The following SOCS6 variants were observed in gnomAD, a reference collection of about 807,000 sequenced individuals.
SOCS6 encodes the protein suppressor of cytokine signaling 6.
Under a neutral mutation model 27.7 loss-of-function variants are expected in SOCS6, and 5 were observed. The ratio of observed to expected loss-of-function variants is 0.18; its 90% CI spans 0.09 to 0.38. The LOEUF is 0.38. Ranked by LOEUF, SOCS6 falls within the 10% of genes least tolerant of loss-of-function variation. SOCS6 has a pLI of 1.00. For missense variants in SOCS6, 595 were observed against 688.1 expected, an observed-to-expected ratio of 0.86 and a Z score of 1.51; for synonymous variants, 271 against 260.0, an observed-to-expected ratio of 1.04 and a Z score of -0.41.
chr18:70,321,701 T>C (rs1372550431), intron 1 of SOCS6, among the ~76,000 whole-genome samples: 1 of 152,004 alleles, frequency 6.6e-6, no homozygotes, highest in Admixed American at 6.6e-5. Context: ...CTTCCTGTCT[T>C]CCAATAATTT....
At chr18:70,295,028 A>T (rs1042971970) in intron 1 of SOCS6, among the ~76,000 whole-genome samples, 2 of 152,234 alleles carry the variant, frequency 1.3e-5, no homozygotes, top group African/African-American at 2.4e-5. Flanking sequence ...CCTGGAAGGC[A>T]GGCAGTAATC....
Position 70,325,989 on chromosome 18 carries a change from A to G in SOCS6, c.1321A>G (p.Ser441Gly). 1.2e-6 allele frequency: 2 copies of G among 1,614,274 alleles called. No homozygotes were observed. Among genetic ancestry groups the G allele is most frequent in the East Asian group, 2.2e-5 (1 of 44,892 alleles). The change falls in exon 2 of 2, where the codon AGC becomes GGC. Residue 441 changes from serine (S) to glycine (G), a missense_variant. Around this residue, in one of 2 missense-constraint regions of SOCS6, gnomAD observed 128 missense variants for 207.0 expected, o/e 0.62. Transcript: ENST00000397942. This position sits in a 1 kb window ranked among gnomAD's most constrained non-coding sequence, Gnocchi z 6.3. ...AATTGAGCACTCAAATGGTAGGTTT[A>G]GCTTTTATGAACAGCCAGATGTGGA... ...TRIEHSNGRF[S>G]FYEQPDVEGH...
intron 1 of SOCS6, among the ~76,000 whole-genome samples, chr18:70,312,922 G>T (rs1221984568): frequency 1.3e-5 from 2 of 151,830 alleles, no homozygotes; most frequent in Non-Finnish European, 2.9e-5. Flanking sequence ...TTACAGGCAA[G>T]TGCCACGCGC....
chr18:70,293,084 A>C (rs1466327133), intron 1 of SOCS6, among the ~76,000 whole-genome samples: 1 of 151,524 alleles, frequency 6.6e-6, no homozygotes. Context: ...CAGAGTGTCT[A>C]CTGTGGTCCT....
At chr18:70,312,547 A>G (rs2062394778) in intron 1 of SOCS6, among the ~76,000 whole-genome samples, 1 of 152,200 alleles carries the variant, frequency 6.6e-6, no homozygotes, top group African/African-American at 2.4e-5. Context: ...TTTTCCCAAC[A>G]TTAAGTGTTA....
intron 1 of SOCS6, among the ~76,000 whole-genome samples, chr18:70,290,723 G>GGCCAAACTCTGT: frequency 6.6e-6 from 1 of 152,212 alleles, no homozygotes; most frequent in Non-Finnish European, 1.5e-5. Flanking sequence ...GCTTGTGCCT[G>GGCCAAACTCTGT]GGTAAGGGTC....
In SOCS6 at chr18:70,318,615, G is replaced by T. The variant is rs1016480660; in HGVS notation, c.-126-5928G>T. The stretch of plus-strand genomic sequence containing the variant: ...TTTCCATATATAACATATTATTGTT[G>T]TTTTTTTTTTTTAATCAGATCTTAA... On this transcript the variant is annotated intron_variant, in intron 1 of 1. Transcript: ENST00000397942. Among the ~76,000 whole-genome samples, 418 of 146,274 alleles carry T rather than the reference G, an allele frequency of 2.9e-3. 1 individual carries two copies. Among genetic ancestry groups the T allele is most frequent in the Non-Finnish European group, 4.4e-3 (292 of 66,216 alleles).
In SOCS6 at chr18:70,326,194, G is replaced by A; in HGVS notation, c.1526G>A (p.Arg509His). Residue 509 changes from arginine to histidine, a missense_variant, in exon 2 of 2, where the codon CGT becomes CAT. This residue lies in a region of SOCS6 where 128 missense variants were observed against 207.0 expected (regional missense o/e 0.62). Coordinates refer to ENST00000397942, the MANE Select transcript of SOCS6 (RefSeq NM_004232.4). ...CAGTACCTGTGTCGTTTTGTTATAC[G>A]TCAGTATACCAGAATAGACTTAATT... ...SLQYLCRFVIRQYTRIDLIQK... is the reference protein window; with the variant it reads ...SLQYLCRFVIHQYTRIDLIQK... 1 of 1,613,164 alleles carries A rather than the reference G, an allele frequency of 6.2e-7. No homozygotes were observed. Among genetic ancestry groups the A allele is most frequent in the Non-Finnish European group, 8.5e-7 (1 of 1,179,088 alleles).
intron 1 of SOCS6, among the ~76,000 whole-genome samples, chr18:70,294,634 A>G (rs2062315549): frequency 6.6e-6 from 1 of 152,208 alleles, no homozygotes; most frequent in Admixed American, 6.5e-5. Context: ...CAAAAGAGCA[A>G]GAGAAATGGA....
intron 1 of SOCS6, among the ~76,000 whole-genome samples, chr18:70,318,247 CATTT>C (rs1423164744): frequency 5.9e-5 from 9 of 152,072 alleles, no homozygotes; most frequent in East Asian, 3.8e-4. Context: ...TAGCCACCTG[CATTT>C]ATTTATTATT....
At chr18:70,306,054 A>T (rs2062367886) in intron 1 of SOCS6, among the ~76,000 whole-genome samples, 1 of 152,124 alleles carries the variant, frequency 6.6e-6, no homozygotes, top group South Asian at 2.1e-4. Context: ...CCTGGGAAAC[A>T]TAGGGAGACC....
intron 1 of SOCS6, among the ~76,000 whole-genome samples, chr18:70,297,291 G>A (rs573697234): frequency 2.0e-4 from 31 of 151,570 alleles, no homozygotes; most frequent in Non-Finnish European, 4.3e-4. Flanking sequence ...GATTTTCTTC[G>A]TTCCTGTGTT....
At chr18:70,297,520 C>T (rs988395842) in intron 1 of SOCS6, among the ~76,000 whole-genome samples, 6 of 152,070 alleles carry the variant, frequency 3.9e-5, no homozygotes, top group East Asian at 1.9e-4. Context: ...TTAACTTAGT[C>T]GATGAAATGC....
intron 1 of SOCS6, among the ~76,000 whole-genome samples, chr18:70,311,774 G>T (rs1051142944): frequency 4.6e-5 from 7 of 152,082 alleles, no homozygotes; most frequent in Non-Finnish European, 1.0e-4. Flanking sequence ...TGGGCATCTC[G>T]CTTTATCTCT....
intron 1 of SOCS6, among the ~76,000 whole-genome samples, chr18:70,316,438 G>A (rs1047850777): frequency 6.6e-6 from 1 of 152,012 alleles, no homozygotes; most frequent in Non-Finnish European, 1.5e-5. Flanking sequence ...AATTAATTTT[G>A]TAATTTAAAT....
chr18:70,320,155 ATGT>A (rs1380994635), intron 1 of SOCS6, among the ~76,000 whole-genome samples: 1 of 152,050 alleles, frequency 6.6e-6, no homozygotes, highest in Non-Finnish European at 1.5e-5. Context: ...TGCCTGGCTA[ATGT>A]TGATATTTTT....
intron 1 of SOCS6, among the ~76,000 whole-genome samples, chr18:70,309,228 T>G (rs915458465): frequency 3.3e-5 from 5 of 152,200 alleles, no homozygotes; most frequent in Non-Finnish European, 5.9e-5. Context: ...TTTGTCACTT[T>G]TTTGTTTTTT....
chr18:70,320,231 C>T (rs2146292514), intron 1 of SOCS6, among the ~76,000 whole-genome samples: 1 of 152,238 alleles, frequency 6.6e-6, no homozygotes, highest in South Asian at 2.1e-4. Context: ...TCAAGTGTTC[C>T]ACCCACCTCA....
chr18:70,312,771 A>ATTTTTTTTTT (rs375997089), intron 1 of SOCS6, among the ~76,000 whole-genome samples: 2 of 121,984 alleles, frequency 1.6e-5, no homozygotes, highest in Non-Finnish European at 3.3e-5. Context: ...AATTCTTTGG[A>ATTTTTTTTTT]TTTTTTTTTT....
Sources: gnomAD v4.1 joint callset for allele counts (sites outside exome capture counted in the v4.1 genomes callset) on GRCh38, gnomAD v4.1.1 for gene constraint, gnomAD v4.1.1 regional missense constraint, Gnocchi (gnomAD v3.1) non-coding constraint, MANE v1.5 for transcripts, NCBI Gene and HGNC (gene_info 2026-07-23, HGNC 2026-07-21) for gene names.